Variants in JPH2 observed in about 807,000 individuals in gnomAD.
The protein encoded by JPH2 is junctophilin-2.
JPH2 carries 38 observed loss-of-function variants against 55.9 expected under a neutral mutation model. The ratio of observed to expected loss-of-function variants is 0.68; its 90% CI spans 0.52 to 0.89. The LOEUF is 0.89. Ranked by LOEUF, JPH2 falls within the 40% of genes least tolerant of loss-of-function variation. The pLI is 0.00. For missense variants in JPH2, 964 were observed against 1,037.6 expected, an observed-to-expected ratio of 0.93 and a Z score of 0.97; for synonymous variants, 480 against 472.4, an observed-to-expected ratio of 1.02 and a Z score of -0.21.
chr20:44,160,403 C>T lies in JPH2; in HGVS notation c.384G>A (p.Thr128=), dbSNP rs972983859. ...TGCCGTTGGTGAACTGGCCTTGGTA[C>T]GTCCCTGCGGGCGAGGAGAGGGCGC... ...YGTETYADGG[T]YQGQFTNGMR... Residue 128 remains threonine, a synonymous_variant, in exon 2 of 6, where the codon ACG becomes ACA. Coordinates refer to ENST00000372980, the MANE Select transcript of JPH2 (RefSeq NM_020433.5). This position sits in a 1 kb window ranked among gnomAD's most constrained non-coding sequence, Gnocchi z 4.9. 9 of 1,608,882 alleles carry T rather than the reference C, an allele frequency of 5.6e-6. 1 individual carries two copies. The highest frequency in any genetic ancestry group is 4.5e-5 in the East Asian group (2 of 44,750).
At chr20:44,148,899 T>TA (rs531841890) in intron 2 of JPH2, among the ~76,000 whole-genome samples, 147 of 151,828 alleles carry the variant, frequency 9.7e-4, no homozygotes, top group African/African-American at 3.4e-3. Flanking sequence ...CCGTCTCTAC[T>TA]AAAAAAATAC....
chr20:44,173,009 C>CCAAG (rs1474427241), intron 1 of JPH2, among the ~76,000 whole-genome samples: 1 of 152,168 alleles, frequency 6.6e-6, no homozygotes, highest in Admixed American at 6.5e-5. Flanking sequence ...ATAACTGACT[C>CCAAG]CATCTTACTT....
At chr20:44,130,204 C>G (rs2072307902) in intron 2 of JPH2, among the ~76,000 whole-genome samples, 1 of 152,144 alleles carries the variant, frequency 6.6e-6, no homozygotes, top group Non-Finnish European at 1.5e-5. Context: ...TTGGCTTGAG[C>G]CCAAACCCAG....
chr20:44,150,414 T>C (rs141396021), intron 2 of JPH2, among the ~76,000 whole-genome samples: 275 of 152,372 alleles, frequency 1.8e-3, no homozygotes, highest in African/African-American at 6.3e-3. Flanking sequence ...AGGTGCTCCA[T>C]GTTCATGGAT....
chr20:44,162,057 C>G lies in JPH2; in HGVS notation c.380-1650G>C, dbSNP rs112654339. 2.9e-3 allele frequency among the ~76,000 whole-genome samples: 435 copies of G among 152,324 alleles called. 3 individuals are homozygous for G. The highest frequency in any genetic ancestry group is 9.6e-3 in the African/African-American group (399 of 41,572). On this transcript the variant is annotated intron_variant, in intron 1 of 5. Coordinates refer to ENST00000372980, the MANE Select transcript of JPH2 (RefSeq NM_020433.5). Reference sequence around the variant, plus strand: ...CTGCTGAAAGGCAGTTCTCTGCCTTCGTCTTTGTACCTCCACCATGTAGAA... The same window carrying G: ...CTGCTGAAAGGCAGTTCTCTGCCTTGGTCTTTGTACCTCCACCATGTAGAA...
intron 2 of JPH2, among the ~76,000 whole-genome samples, chr20:44,142,677 C>T (rs1600847947): frequency 6.6e-6 from 1 of 152,240 alleles, no homozygotes. Flanking sequence ...TCTTTATGTA[C>T]ATCTGTTGTG....
chr20:44,136,986 T>C (rs1004759921), intron 2 of JPH2, among the ~76,000 whole-genome samples: 2 of 152,212 alleles, frequency 1.3e-5, no homozygotes, highest in Admixed American at 6.5e-5. Context: ...ATATAGTATA[T>C]AGTATATGTG....
chr20:44,110,139 G>T lies in JPH2; in HGVS notation c.*3379C>A, dbSNP rs2072131891. Among the ~76,000 whole-genome samples the T allele has an allele frequency of 6.6e-6, 1 of 151,984 alleles. No homozygotes were observed. Among genetic ancestry groups the T allele is most frequent in the Non-Finnish European group, 1.5e-5 (1 of 67,994 alleles). On this transcript the variant is annotated 3_prime_UTR_variant, in exon 6 of 6. Coordinates refer to ENST00000372980, the MANE Select transcript of JPH2 (RefSeq NM_020433.5). ...CCTGGCTCTGAGTCTCCAAACCTGG[G>T]GCTCAGGAAGCCGCCTCCTTTGCAC...
At chr20:44,129,087 G>A (rs1328075929) in intron 2 of JPH2, among the ~76,000 whole-genome samples, 1 of 152,102 alleles carries the variant, frequency 6.6e-6, no homozygotes, top group African/African-American at 2.4e-5. Context: ...GAGTAAGGGT[G>A]GTGTTGGGGA....
chr20:44,124,166 C>A (rs1400921383), intron 2 of JPH2, among the ~76,000 whole-genome samples: 4 of 152,122 alleles, frequency 2.6e-5, no homozygotes, highest in Non-Finnish European at 5.9e-5. Context: ...GGCTCTCACC[C>A]AATAGAGCAA....
At chr20:44,148,785 C>T (rs781076489) in intron 2 of JPH2, among the ~76,000 whole-genome samples, 2 of 152,118 alleles carry the variant, frequency 1.3e-5, no homozygotes, top group East Asian at 1.9e-4. Context: ...AACAATCGGC[C>T]GGGCGTGGTG....
At chr20:44,131,124 A>G (rs940905431) in intron 2 of JPH2, among the ~76,000 whole-genome samples, 1 of 152,162 alleles carries the variant, frequency 6.6e-6, no homozygotes, top group Non-Finnish European at 1.5e-5. Context: ...ACCTAGAGAC[A>G]TGCATCTAAA....
chr20:44,175,786 C>A (rs2072729055), intron 1 of JPH2, among the ~76,000 whole-genome samples: 2 of 152,214 alleles, frequency 1.3e-5, no homozygotes, highest in South Asian at 2.1e-4. Context: ...GGAAAAGGCC[C>A]ATTTCCAGGC....
At chr20:44,119,443 C>G (rs918978615) in intron 2 of JPH2, among the ~76,000 whole-genome samples, 1 of 151,920 alleles carries the variant, frequency 6.6e-6, no homozygotes, top group Admixed American at 6.6e-5. Context: ...GTAGTGGGTA[C>G]TTCTGGTGCC....
chr20:44,146,565 G>A (rs79419285), intron 2 of JPH2, among the ~76,000 whole-genome samples: 2,143 of 152,304 alleles, frequency 0.014, 37 homozygotes, highest in African/African-American at 0.042. Context: ...GCAGGAGTCC[G>A]GGGTCGGGGG....
rs757693348 is a variant in JPH2, at chr20:44,160,270, C to A, written c.517G>T (p.Gly173Cys). Residue 173 changes from glycine (G) to cysteine (C), a missense_variant, in exon 2 of 6, where the codon GGC becomes TGC. By Grantham distance (159) the Gly-to-Cys change is radical. Coordinates refer to ENST00000372980, the MANE Select transcript of JPH2 (RefSeq NM_020433.5). The surrounding 1 kb of genome is among the most constrained non-coding windows in gnomAD (Gnocchi z 4.9). ...LSSLRSEHSN[G>C]TVAPDSPASP... is the part of the protein sequence containing the mutation. ...GCGGGAGAGTCCGGGGCCACCGTGC[C>A]GTTGCTGTGCTCGCTGCGCAGGGAC... is the stretch of plus-strand genomic sequence containing the variant. 15 of 1,533,596 alleles carry A rather than the reference C, an allele frequency of 9.8e-6. No individual in the cohort carries two copies. Among genetic ancestry groups the A allele is most frequent in the South Asian group, 4.8e-5 (4 of 83,798 alleles). 95.0% of individuals were successfully genotyped at this position (1,533,596 alleles called of 1,614,324 possible).
intron 1 of JPH2, among the ~76,000 whole-genome samples, chr20:44,161,686 G>A (rs1044637390): frequency 4.6e-5 from 7 of 151,934 alleles, no homozygotes; most frequent in Admixed American, 6.6e-5. Flanking sequence ...TTGTGCTCAC[G>A]TGTGAGGTCA....
chr20:44,178,582 G>A (rs1248659812), intron 1 of JPH2, among the ~76,000 whole-genome samples: 1 of 144,788 alleles, frequency 6.9e-6, no homozygotes, highest in Admixed American at 6.8e-5. Flanking sequence ...AAATCAAGAG[G>A]CTGGTTTTCT....
chr20:44,122,809 C>A (rs1240606712), intron 2 of JPH2, among the ~76,000 whole-genome samples: 1 of 152,076 alleles, frequency 6.6e-6, no homozygotes, highest in African/African-American at 2.4e-5. Context: ...ACATGCATAT[C>A]CCCAGGCTTA....
Sources: allele counts gnomAD v4.1 joint callset (sites outside exome capture counted in the v4.1 genomes callset), GRCh38; gene constraint gnomAD v4.1.1; non-coding constraint Gnocchi (gnomAD v3.1); transcripts MANE v1.5; gene names NCBI Gene and HGNC (gene_info 2026-07-23, HGNC 2026-07-21).